CLCA4: variants seen among roughly 807,000 people sequenced by gnomAD.
CLCA4 encodes the protein calcium-activated chloride channel regulator 4.
A neutral mutation model predicts 78.9 loss-of-function variants in CLCA4; 69 were observed. The ratio of observed to expected loss-of-function variants is 0.87; its 90% CI spans 0.72 to 1.07. CLCA4 has a LOEUF of 1.07. Ranked by LOEUF, CLCA4 falls within the 50% of genes least tolerant of loss-of-function variation. The pLI is 0.00. For missense variants in CLCA4, 1,133 were observed against 1,095.8 expected, an observed-to-expected ratio of 1.03 and a Z score of -0.48; for synonymous variants, 362 against 375.8, an observed-to-expected ratio of 0.96 and a Z score of 0.42.
chr1:86,575,141 T>C (rs1379325374), intron 10 of CLCA4, among the ~76,000 whole-genome samples, 191 bp from the exon 11 acceptor site: 1 of 152,080 alleles, frequency 6.6e-6, no homozygotes, highest in African/African-American at 2.4e-5. Context: ...TGTAGCGAAG[T>C]GTACACATCA....
intron 7 of CLCA4, among the ~76,000 whole-genome samples, chr1:86,568,551 T>C (rs772600): frequency 0.65 from 99,132 of 151,406 alleles, 32,806 homozygotes; most frequent in East Asian, 0.93. Context: ...TGTCTCAATT[T>C]CTCAGTCTGA....
rs1225352432 is a variant in CLCA4, at chr1:86,560,370, G to T, written c.448+12G>T. 1.9e-6 allele frequency: 3 copies of T among 1,612,636 alleles called. No homozygotes were observed. In the Admixed American group the frequency reaches 5.0e-5, roughly 27 times the overall value. On this transcript the variant is annotated intron_variant, in intron 3 of 13. Transcript: ENST00000370563. Reference sequence around the variant, plus strand: ...ATATGGACCACCAGGTAGAAATTTTGGTTAAAAAATAATTTTGCAGTGATT... The same window carrying T: ...ATATGGACCACCAGGTAGAAATTTTTGTTAAAAAATAATTTTGCAGTGATT...
Position 86,549,208 on chromosome 1 carries a change from G to T in CLCA4, c.159+1930G>T, listed in dbSNP as rs571357713. On this transcript the variant is annotated intron_variant, in intron 1 of 13. Transcript: ENST00000370563. ...TATTTCATGAGGGAAGTCAGGGAAGGCCTCACTGATGATGTGTCAGCACAG... is the reference window on the plus strand; with the variant it reads ...TATTTCATGAGGGAAGTCAGGGAAGTCCTCACTGATGATGTGTCAGCACAG... 2.6e-5 allele frequency among the ~76,000 whole-genome samples: 4 copies of T among 152,292 alleles called. No individual in the cohort carries two copies. In the South Asian group the frequency reaches 6.2e-4, roughly 24 times the overall value.
chr1:86,563,513 G>A (rs898443457), intron 3 of CLCA4, 148 bp from the exon 4 acceptor site: 1 of 474,626 alleles, frequency 2.1e-6, no homozygotes, highest in Non-Finnish European at 3.8e-6. Context: ...AATGCAATAG[G>A]CTTTTTTATA....
chr1:86,574,875 A>G, intron 10 of CLCA4, 120 bp downstream of exon 10: 1 of 730,466 alleles, frequency 1.4e-6, no homozygotes, highest in Non-Finnish European at 2.3e-6. Context: ...ATAAAATAGT[A>G]TGTACTTTCC....
At position 86,560,081 on chromosome 1, in the gene CLCA4, C is replaced by T. The variant is rs2231581; in HGVS notation, c.300+9C>T. The T allele has an allele frequency of 7.1e-3, 11,182 of 1,570,240 alleles. 699 individuals are homozygous for T. The African/African-American group carries it at 0.14, about 19-fold the overall frequency. ...ATGAAAACCATAAACATGTAAGTGT[C>T]GAAATATTCTCTTAAAAAATTATAT... On this transcript the variant is annotated intron_variant, in intron 2 of 13. Coordinates refer to ENST00000370563, the MANE Select transcript of CLCA4 (RefSeq NM_012128.4).
chr1:86,580,060 C>A lies in CLCA4; in HGVS notation c.2475C>A (p.Ser825Arg), dbSNP rs763442016. The A allele has an allele frequency of 6.2e-7, 1 of 1,612,920 alleles. No homozygotes were observed. The highest frequency in any genetic ancestry group is 8.5e-7 in the Non-Finnish European group (1 of 1,179,408). Residue 825 changes from serine (S) to arginine (R), a missense_variant, in exon 14 of 14, where the codon AGC becomes AGA. Coordinates refer to ENST00000370563, the MANE Select transcript of CLCA4 (RefSeq NM_012128.4). ...LSPKEANSKE[S>R]FAFKPENISE... ...CAAAGGAGGCCAACTCCAAGGAAAG[C>A]TTTGCATTTAAACCAGAAAATATCT...
chr1:86,562,853 TAA>T (rs10579344), intron 3 of CLCA4, among the ~76,000 whole-genome samples: 84,509 of 132,762 alleles, frequency 0.64, 26,353 homozygotes, highest in East Asian at 0.9. Context: ...GACTCCATCT[TAA>T]AAAAAAAAAA....
chr1:86,557,725 G>A (rs910779591), intron 1 of CLCA4, among the ~76,000 whole-genome samples: 2 of 151,940 alleles, frequency 1.3e-5, no homozygotes, highest in Non-Finnish European at 2.9e-5. Context: ...TAGGTCTATC[G>A]GATCCATTTG....
chr1:86,548,533 T>A (rs1450170392), intron 1 of CLCA4, among the ~76,000 whole-genome samples: 1 of 151,640 alleles, frequency 6.6e-6, no homozygotes, highest in Admixed American at 6.6e-5. Flanking sequence ...ATACAAAAAA[T>A]TAGCTGGGCA....
rs758160202 is a variant in CLCA4 at position 86,560,276 on chromosome 1, A to C, written c.366A>C (p.Thr122=). ...GRDEPYTKQF[T]ECGEKGEYIH... The stretch of plus-strand genomic sequence containing the variant: ...ATGAACCATACACCAAGCAGTTCAC[A>C]GAATGTGGAGAGAAAGGCGAATACA... The change falls in exon 3 of 14, where the codon ACA becomes ACC. Residue 122 remains threonine, a synonymous_variant. Coordinates refer to ENST00000370563, the MANE Select transcript of CLCA4 (RefSeq NM_012128.4). 3 of 1,614,110 alleles carry C rather than the reference A, an allele frequency of 1.9e-6. No homozygotes were observed. The highest frequency in any genetic ancestry group is 2.7e-5 in the African/African-American group (2 of 75,054).
At chr1:86,573,032 A>AT (rs1650400888) in intron 9 of CLCA4, 2 of 308,814 alleles carry the variant, frequency 6.5e-6, no homozygotes, top group Non-Finnish European at 1.2e-5. Flanking sequence ...TAAAGCACCC[A>AT]TTTTTCAATG....
chr1:86,550,993 C>G (rs111532718), intron 1 of CLCA4, among the ~76,000 whole-genome samples: 13 of 151,414 alleles, frequency 8.6e-5, no homozygotes, highest in Non-Finnish European at 1.8e-4. Context: ...CACCACGCCC[C>G]GCTAATTTTT....
In CLCA4 at chr1:86,560,091, T is replaced by C. The variant is rs779562392; in HGVS notation, c.300+19T>C. 3.8e-6 allele frequency: 6 copies of C among 1,565,092 alleles called. No individual in the cohort carries two copies. In the South Asian group the frequency reaches 7.3e-5, roughly 19 times the overall value. ...TAAACATGTAAGTGTCGAAATATTC[T>C]CTTAAAAAATTATATTTTCTGATAT... On this transcript the variant is annotated intron_variant, in intron 2 of 13. Transcript: ENST00000370563.
At chr1:86,564,743 T>C (rs1359673953) in intron 4 of CLCA4, among the ~76,000 whole-genome samples, 1 of 152,182 alleles carries the variant, frequency 6.6e-6, no homozygotes, top group Non-Finnish European at 1.5e-5. Flanking sequence ...CTCCATCATT[T>C]TTTATTCTAC....
chr1:86,564,524 T>C (rs1274427679), intron 4 of CLCA4, among the ~76,000 whole-genome samples: 1 of 152,108 alleles, frequency 6.6e-6, no homozygotes, highest in Non-Finnish European at 1.5e-5. Flanking sequence ...ACATAGATAG[T>C]TTCATCATGT....
At chr1:86,552,932 G>C (rs1649710196) in intron 1 of CLCA4, 4 of 654,104 alleles carry the variant, frequency 6.1e-6, no homozygotes, top group Non-Finnish European at 8.3e-6. Flanking sequence ...CTCTGCGGGT[G>C]CCTCGGCGTC....
intron 1 of CLCA4, among the ~76,000 whole-genome samples, chr1:86,551,564 G>A (rs1649664441): frequency 6.6e-6 from 1 of 152,124 alleles, no homozygotes; most frequent in Admixed American, 6.5e-5. Context: ...ACAGGGATTC[G>A]GATTTCTTTC....
chr1:86,577,507 C>A (rs951549394), intron 11 of CLCA4, among the ~76,000 whole-genome samples: 1 of 151,904 alleles, frequency 6.6e-6, no homozygotes, highest in Non-Finnish European at 1.5e-5. Context: ...TAGTAGGGAC[C>A]CTTTTGATTT....
Sources: allele counts gnomAD v4.1 joint callset (sites outside exome capture counted in the v4.1 genomes callset), GRCh38; gene constraint gnomAD v4.1.1; transcripts MANE v1.5; gene names NCBI Gene and HGNC (gene_info 2026-07-23, HGNC 2026-07-21).